The following ERBB4 variants were observed in gnomAD, a reference collection of about 807,000 sequenced individuals.
The protein encoded by ERBB4 is erb-b2 receptor tyrosine kinase 4, also known as receptor tyrosine-protein kinase erbB-4.
In ERBB4, 42 loss-of-function variants were observed where a neutral mutation model predicts 158.0. That is an observed-to-expected ratio of 0.27 (90% CI 0.21 to 0.34). The LOEUF (loss-of-function observed/expected upper bound fraction) is 0.34. ERBB4 is among the 10% of genes least tolerant of loss of function. ERBB4 has a pLI of 1.00. For missense variants in ERBB4, 1,333 were observed against 1,624.1 expected (o/e 0.82, Z 3.08); for synonymous variants, 583 against 558.7 (o/e 1.04, Z -0.61).
intron 3 of ERBB4, among the ~76,000 whole-genome samples, chr2:211,840,215 T>G (rs2077440416): frequency 6.6e-6 from 1 of 151,954 alleles, no homozygotes; most frequent in South Asian, 2.1e-4. Context: ...TCTCAAGAGA[T>G]CTGATGGTTT....
intron 1 of ERBB4, among the ~76,000 whole-genome samples, chr2:212,435,601 T>G (rs1011974366): frequency 1.3e-5 from 2 of 151,918 alleles, no homozygotes; most frequent in African/African-American, 4.8e-5. Context: ...AAATCTATAG[T>G]GCAAGAATAA....
At chr2:212,349,516 G>T (rs1472517604) in intron 1 of ERBB4, among the ~76,000 whole-genome samples, 5 of 152,102 alleles carry the variant, frequency 3.3e-5, no homozygotes, top group Non-Finnish European at 5.9e-5. Flanking sequence ...TAAGAGTTAA[G>T]TTTTCTGTCA....
chr2:212,122,928 A>T (rs547394985), intron 2 of ERBB4, among the ~76,000 whole-genome samples: 7 of 152,188 alleles, frequency 4.6e-5, no homozygotes, highest in Non-Finnish European at 1.0e-4. Context: ...TTTAGATTGC[A>T]TTTTAAAATT....
chr2:211,877,461 A>G (rs553088478), intron 3 of ERBB4, among the ~76,000 whole-genome samples: 3 of 152,220 alleles, frequency 2.0e-5, no homozygotes, highest in African/African-American at 7.2e-5. Flanking sequence ...TTATATAAAC[A>G]CTGTTTTTCT....
intron 20 of ERBB4, among the ~76,000 whole-genome samples, chr2:211,539,885 G>A (rs766209363): frequency 5.5e-4 from 84 of 151,956 alleles, no homozygotes; most frequent in Non-Finnish European, 9.9e-4. Context: ...TCCATTGCTC[G>A]TTGCACTTTA....
chr2:212,406,893 T>C (rs745741931), intron 1 of ERBB4, among the ~76,000 whole-genome samples: 91 of 152,078 alleles, frequency 6.0e-4, no homozygotes, highest in Admixed American at 2.1e-3. Context: ...CTTCCATTCT[T>C]AGGTCTCTGA....
chr2:211,454,678 A>C (rs987799252), intron 20 of ERBB4, among the ~76,000 whole-genome samples: 2 of 152,218 alleles, frequency 1.3e-5, no homozygotes, highest in African/African-American at 4.8e-5. Flanking sequence ...TTATTGGTTT[A>C]ATTTTTAACT....
In ERBB4 at chr2:211,930,975, G is replaced by A. The variant is rs190219723; in HGVS notation, c.421+16455C>T. 3.4e-3 allele frequency among the ~76,000 whole-genome samples: 523 copies of A among 152,158 alleles called. 1 individual carries two copies. The highest frequency in any genetic ancestry group is 6.1e-3 in the Non-Finnish European group (418 of 67,986). ...GGGGAAACAAATTCTTAGCTGAATT[G>A]GTAGCTCTACTCAGCAGGGACATTT... On this transcript the variant is annotated intron_variant, in intron 3 of 27. Coordinates refer to ENST00000342788, the MANE Select transcript of ERBB4 (RefSeq NM_005235.3).
chr2:212,517,268 T>C (rs1004599920), intron 1 of ERBB4, among the ~76,000 whole-genome samples: 5 of 152,126 alleles, frequency 3.3e-5, no homozygotes, highest in African/African-American at 7.2e-5. Context: ...AAGTAGATGA[T>C]ATTGTCTTAT....
At chr2:212,217,489 T>C (rs1428451087) in intron 1 of ERBB4, among the ~76,000 whole-genome samples, 1 of 151,296 alleles carries the variant, frequency 6.6e-6, no homozygotes, top group Non-Finnish European at 1.5e-5. Context: ...GACAATTTAA[T>C]TTGAAGGAGA....
intron 1 of ERBB4, among the ~76,000 whole-genome samples, chr2:212,158,978 T>A (rs1165143073): frequency 6.6e-6 from 1 of 151,984 alleles, no homozygotes; most frequent in African/African-American, 2.4e-5. Flanking sequence ...TTAAATAATA[T>A]TGATAATGTT....
chr2:211,831,773 G>A (rs2077225282), intron 3 of ERBB4, among the ~76,000 whole-genome samples: 1 of 151,946 alleles, frequency 6.6e-6, no homozygotes, highest in Non-Finnish European at 1.5e-5. Context: ...CGTGGCAGCA[G>A]GTGCATATAA....
chr2:211,691,310 T>C (rs2072806109), intron 12 of ERBB4, among the ~76,000 whole-genome samples: 1 of 152,062 alleles, frequency 6.6e-6, no homozygotes, highest in East Asian at 1.9e-4. Context: ...GACATAAAAT[T>C]AGTAGAATTT....
chr2:212,171,286 T>C (rs571256698), intron 1 of ERBB4, among the ~76,000 whole-genome samples: 1 of 152,002 alleles, frequency 6.6e-6, no homozygotes, highest in Non-Finnish European at 1.5e-5. Context: ...ACTTATCCAA[T>C]GCCCATACCC....
At chr2:212,318,152 G>T (rs1339792841) in intron 1 of ERBB4, among the ~76,000 whole-genome samples, 2 of 151,448 alleles carry the variant, frequency 1.3e-5, no homozygotes, top group African/African-American at 2.4e-5. Context: ...TATATAAATT[G>T]CCAAGAGTCA....
chr2:211,917,883 G>A (rs1302286003), intron 3 of ERBB4, among the ~76,000 whole-genome samples: 1 of 152,130 alleles, frequency 6.6e-6, no homozygotes, highest in Non-Finnish European at 1.5e-5. Flanking sequence ...TATGCTGGTG[G>A]TATTAACCCC....
At chr2:212,461,320 C>T (rs566587818) in intron 1 of ERBB4, among the ~76,000 whole-genome samples, 2 of 152,286 alleles carry the variant, frequency 1.3e-5, no homozygotes, top group East Asian at 3.9e-4. Flanking sequence ...GCCACATGGA[C>T]AGAGCTGCCC....
At chr2:212,074,916 T>G (rs2125453198) in intron 2 of ERBB4, among the ~76,000 whole-genome samples, 1 of 152,072 alleles carries the variant, frequency 6.6e-6, no homozygotes, top group Admixed American at 6.6e-5. Context: ...TTGTTTAAAA[T>G]TTGCTGGTCG....
intron 2 of ERBB4, among the ~76,000 whole-genome samples, chr2:212,062,398 TC>T (rs1164031749): frequency 2.5e-4 from 25 of 100,488 alleles, no homozygotes; most frequent in Admixed American, 6.4e-4. Context: ...ACTTGTCAAT[TC>T]TTTTTTTTTT....
Sources: allele counts gnomAD v4.1 joint callset (sites outside exome capture counted in the v4.1 genomes callset), GRCh38; gene constraint gnomAD v4.1.1; transcripts MANE v1.5; gene names NCBI Gene and HGNC (gene_info 2026-07-23, HGNC 2026-07-21).